CASK: variants seen among roughly 807,000 people sequenced by gnomAD.
CASK encodes the protein peripheral plasma membrane protein CASK.
Under a neutral mutation model 82.9 loss-of-function variants are expected in CASK, and 4 were observed. The ratio of observed to expected loss-of-function variants is 0.05; its 90% CI spans 0.02 to 0.11. The LOEUF (loss-of-function observed/expected upper bound fraction) is 0.11. CASK is among the 10% of genes least tolerant of loss of function. The probability of loss-of-function intolerance (pLI) is 1.00; values close to 1 mark genes in which losing one functional copy is unlikely to be tolerated. For missense variants in CASK, 358 were observed against 720.9 expected (o/e 0.50, Z 5.76); for synonymous variants, 259 against 253.5 (o/e 1.02, Z -0.20).
chrX:41,578,077 T>A (rs1204534286), intron 15 of CASK, among the ~76,000 whole-genome samples: 1 of 111,952 alleles, frequency 8.9e-6, no homozygotes, highest in African/African-American at 3.2e-5. Flanking sequence ...GGAGGAATGT[T>A]ACAGTATGTT....
chrX:41,553,476 T>C lies in CASK; in HGVS notation c.2039+243A>G, dbSNP rs5918201. Among the ~76,000 whole-genome samples, 16,843 of 110,412 alleles carry C rather than the reference T, an allele frequency of 0.15. 1,008 individuals are homozygous for C. Among genetic ancestry groups the C allele is most frequent in the Middle Eastern group, 0.18 (39 of 214 alleles). The stretch of plus-strand genomic sequence containing the variant: ...CCATGACTTGGCTCAGGGCTGCTCA[T>C]CCAATCTCTTTCCAGACCTTCCTTT... On this transcript the variant is annotated intron_variant, in intron 21 of 26. Transcript: ENST00000378163.
intron 1 of CASK, among the ~76,000 whole-genome samples, chrX:41,860,235 C>T (rs976373823): frequency 4.5e-5 from 5 of 110,669 alleles, no homozygotes; most frequent in Non-Finnish European, 7.6e-5. Flanking sequence ...CTAGATATTT[C>T]TCTACCCATT....
chrX:41,894,069 C>G (rs1402057831), intron 1 of CASK, among the ~76,000 whole-genome samples: 1 of 111,489 alleles, frequency 9.0e-6, no homozygotes, highest in Non-Finnish European at 1.9e-5. Context: ...GGGGGCTCAG[C>G]TGTTAGACTT....
Position 41,517,884 on chromosome X carries a change from T to C in CASK, c.*2536A>G. The C allele has an allele frequency of 1.8e-6, 1 of 553,379 alleles. No individual in the cohort carries two copies. The highest frequency in any genetic ancestry group is 3.0e-6 in the Non-Finnish European group (1 of 332,799). 45.6% of individuals were successfully genotyped at this position (553,379 alleles called of 1,213,427 possible). ...ATATGCAGCTAGGTCATAAAGACAC[T>C]GCTTTAGAGAAGACATGTATTAGTG... On this transcript the variant is annotated 3_prime_UTR_variant, in exon 27 of 27. Transcript: ENST00000378163.
chrX:41,524,134 C>T, intron 25 of CASK, 100 bp from the exon 26 acceptor site: 2 of 652,745 alleles, frequency 3.1e-6, no homozygotes, highest in East Asian at 7.1e-5. Context: ...CTGAAAATTC[C>T]AAGCTCTTGG....
At chrX:41,770,441 C>T (rs1402949884) in intron 3 of CASK, among the ~76,000 whole-genome samples, 1 of 110,388 alleles carries the variant, frequency 9.1e-6, no homozygotes, top group Non-Finnish European at 1.9e-5. Flanking sequence ...TGGAGTTTTG[C>T]TCTTGTTGCC....
rs184635036 is a variant in CASK, at chrX:41,677,852, G to A, written c.430-6322C>T. On this transcript the variant is annotated intron_variant, in intron 5 of 26. Transcript: ENST00000378163. ...CTCCCCTGGCCTGCTGGGATGTATG[G>A]GCAACTTGCCCGTCTCCAGGCAAAA... Among the ~76,000 whole-genome samples the A allele has an allele frequency of 2.2e-3, 250 of 112,092 alleles. 1 individual carries two copies. The highest frequency in any genetic ancestry group is 7.7e-3 in the African/African-American group (239 of 30,859).
chrX:41,708,394 T>A (rs2067919461), intron 5 of CASK, among the ~76,000 whole-genome samples: 3 of 112,262 alleles, frequency 2.7e-5, no homozygotes, highest in South Asian at 7.3e-4. Context: ...ATAAAAACTT[T>A]CACATACTGA....
At chrX:41,804,594 T>C (rs1022398168) in intron 2 of CASK, among the ~76,000 whole-genome samples, 17 of 111,767 alleles carry the variant, frequency 1.5e-4, no homozygotes, top group African/African-American at 5.2e-4. Context: ...AGAAATCCCA[T>C]CTTTCTCACT....
intron 5 of CASK, among the ~76,000 whole-genome samples, chrX:41,711,128 T>C (rs1170950156): frequency 1.8e-5 from 2 of 111,177 alleles, no homozygotes; most frequent in Non-Finnish European, 3.8e-5. Context: ...TGACACAGCC[T>C]GGGGCTAGCC....
At chrX:41,863,074 TATAAC>T (rs1327835546) in intron 1 of CASK, among the ~76,000 whole-genome samples, 1 of 112,305 alleles carries the variant, frequency 8.9e-6, no homozygotes, top group Non-Finnish European at 1.9e-5. Flanking sequence ...TCATTTATAA[TATAAC>T]ATGTCAGCAG....
chrX:41,589,101 CAATTTACAA>C (rs1392290561), intron 13 of CASK, among the ~76,000 whole-genome samples: 1 of 112,074 alleles, frequency 8.9e-6, no homozygotes, highest in East Asian at 2.8e-4. Flanking sequence ...CATACCTTGA[CAATTTACAA>C]AAATGACTTC....
Position 41,517,383 on chromosome X carries a change from G to A in CASK, c.*3037C>T, listed in dbSNP as rs934481007. 5 of 141,902 alleles carry A rather than the reference G, an allele frequency of 3.5e-5. No homozygotes were observed. The highest frequency in any genetic ancestry group is 3.1e-4 in the Admixed American group (4 of 12,964). 11.7% of individuals were successfully genotyped at this position (141,902 alleles called of 1,213,427 possible). The stretch of plus-strand genomic sequence containing the variant: ...TAATTGCATTTAAAAAGGCTACAAT[G>A]TTATCTTGACACTGGGAAACTTCCA... On this transcript the variant is annotated 3_prime_UTR_variant, in exon 27 of 27. Coordinates refer to ENST00000378163, the MANE Select transcript of CASK (RefSeq NM_001367721.1).
chrX:41,644,705 C>T (rs904162735), intron 8 of CASK, among the ~76,000 whole-genome samples: 56 of 112,045 alleles, frequency 5.0e-4, no homozygotes, highest in African/African-American at 1.8e-3. Context: ...TCGCTGAATT[C>T]TTTTTCTCAG....
chrX:41,912,737 G>A (rs1444999729), intron 1 of CASK, among the ~76,000 whole-genome samples: 5 of 104,577 alleles, frequency 4.8e-5, no homozygotes, highest in African/African-American at 1.7e-4. Flanking sequence ...AGGAGTTTGA[G>A]ACCAGCCTAG....
intron 25 of CASK, 51 bp from the exon 26 acceptor site, chrX:41,524,085 A>C (rs1407822014): frequency 1.1e-6 from 1 of 890,548 alleles, no homozygotes; most frequent in Non-Finnish European, 1.6e-6. Context: ...GAAATAACTA[A>C]TGTAACTTTC....
rs192028284 is a variant in CASK, at chrX:41,676,456, G to A, written c.430-4926C>T. The A allele has an allele frequency of 1.2e-4, 139 of 1,195,636 alleles. 1 individual carries two copies. The East Asian group carries it at 1.6e-3, about 14-fold the overall frequency. On this transcript the variant is annotated intron_variant, in intron 5 of 26. Transcript: ENST00000378163. Reference sequence around the variant, plus strand: ...TGTCATCATATCGCTCAGCCTGCTCGGCCAGTTTGGCCTTCTGAACCAGCT... The same window carrying A: ...TGTCATCATATCGCTCAGCCTGCTCAGCCAGTTTGGCCTTCTGAACCAGCT...
intron 8 of CASK, among the ~76,000 whole-genome samples, chrX:41,647,926 C>G (rs956392951): frequency 2.2e-4 from 24 of 111,600 alleles, no homozygotes; most frequent in African/African-American, 7.5e-4. Flanking sequence ...ACAAATTGTA[C>G]AGCATGTGTG....
rs184394022 is a variant in CASK, at chrX:41,723,404, A to T, written c.429+15980T>A. ...TGATTCGACAATCCTGAACAAAAAA[A>T]TTGGTTTCACAATTCTATTTTTTAT... On this transcript the variant is annotated intron_variant, in intron 5 of 26. Transcript: ENST00000378163. Among the ~76,000 whole-genome samples the T allele has an allele frequency of 7.2e-3, 809 of 112,284 alleles. 6 individuals are homozygous for T. The highest frequency in any genetic ancestry group is 0.014 in the Admixed American group (152 of 10,616).
Sources: allele counts gnomAD v4.1 joint callset (sites outside exome capture counted in the v4.1 genomes callset), GRCh38; gene constraint gnomAD v4.1.1; transcripts MANE v1.5; gene names NCBI Gene and HGNC (gene_info 2026-07-23, HGNC 2026-07-21).